Variants in DNAH8 observed in about 807,000 individuals in gnomAD.
The protein encoded by DNAH8 is dynein axonemal heavy chain 8.
DNAH8 carries 382 observed loss-of-function variants against 562.1 expected under a neutral mutation model. That is an observed-to-expected ratio of 0.68 (90% CI 0.63 to 0.74). The LOEUF (loss-of-function observed/expected upper bound fraction) is 0.74. DNAH8 is among the 30% of genes least tolerant of loss of function. The pLI is 0.00. For synonymous variants in DNAH8, 1,881 were observed against 1,919.4 expected (o/e 0.98, Z 0.52); for missense variants, 5,203 against 5,620.4 (o/e 0.93, Z 2.37).
intron 88 of DNAH8, among the ~76,000 whole-genome samples, chr6:38,996,419 G>GTGA (rs1288773099): frequency 3.9e-5 from 6 of 152,202 alleles, no homozygotes; most frequent in Non-Finnish European, 8.8e-5. Context: ...CAATTTCTAT[G>GTGA]TGACATCCAC....
chr6:38,734,009 C>T (rs1294077644), intron 4 of DNAH8, among the ~76,000 whole-genome samples: 4 of 151,146 alleles, frequency 2.6e-5, no homozygotes, highest in East Asian at 3.9e-4. Flanking sequence ...ATTGGCCAGG[C>T]ATGGTGGCTC....
intron 53 of DNAH8, among the ~76,000 whole-genome samples, chr6:38,877,810 T>C (rs1172402954): frequency 6.6e-6 from 1 of 152,220 alleles, no homozygotes; most frequent in African/African-American, 2.4e-5. Context: ...TAACCTCTTA[T>C]ATTAAAAATA....
At chr6:38,905,618 C>A (rs952307689) in intron 62 of DNAH8, among the ~76,000 whole-genome samples, 1 of 152,194 alleles carries the variant, frequency 6.6e-6, no homozygotes, top group African/African-American at 2.4e-5. Flanking sequence ...CGGACAAAAT[C>A]TGTTGCTGAG....
At chr6:38,841,869 C>T (rs1301555337) in intron 33 of DNAH8, among the ~76,000 whole-genome samples, 2 of 152,058 alleles carry the variant, frequency 1.3e-5, no homozygotes, top group Non-Finnish European at 2.9e-5. Flanking sequence ...AGTCACATGC[C>T]ACCACACCTG....
chr6:39,021,024 G>A (rs905355513), intron 91 of DNAH8, among the ~76,000 whole-genome samples: 5 of 152,072 alleles, frequency 3.3e-5, no homozygotes, highest in African/African-American at 9.7e-5. Flanking sequence ...ATTTTTTTGG[G>A]TATATACCTA....
At chr6:38,872,864 A>T in intron 50 of DNAH8, 42 bp from the exon 51 acceptor site, 1 of 1,606,614 alleles carries the variant, frequency 6.2e-7, no homozygotes. Flanking sequence ...CATTTTAATT[A>T]CTTGCAAGTG....
Position 38,803,191 on chromosome 6 carries a change from G to C in DNAH8, c.2914G>C (p.Glu972Gln), listed in dbSNP as rs780376103. The change falls in exon 22 of 93, where the codon GAA becomes CAA. Residue 972 changes from glutamate (E) to glutamine (Q), a missense_variant. Transcript: ENST00000327475. The part of the protein sequence containing the change: ...MLTLNETYTK[E>Q]WADILNHKSK... The stretch of plus-strand genomic sequence containing the variant: ...CTTTATTTAACAGACATACACAAAA[G>C]AATGGGCTGACATTCTAAACCACAA... The C allele has an allele frequency of 2.5e-6, 4 of 1,598,238 alleles. No individual in the cohort carries two copies. The highest frequency in any genetic ancestry group is 3.4e-6 in the Non-Finnish European group (4 of 1,172,890).
chr6:38,788,939 G>T (rs745592867), intron 18 of DNAH8, among the ~76,000 whole-genome samples: 1 of 151,390 alleles, frequency 6.6e-6, no homozygotes, highest in Non-Finnish European at 1.5e-5. Flanking sequence ...TCTTTTTTTT[G>T]AAAAAAACTG....
At chr6:38,877,567 C>T (rs1217481108) in intron 53 of DNAH8, among the ~76,000 whole-genome samples, 7 of 152,066 alleles carry the variant, frequency 4.6e-5, no homozygotes, top group Admixed American at 6.6e-5. Context: ...TTTATTTGCC[C>T]GAGCCTTTGT....
chr6:38,837,899 G>A, intron 32 of DNAH8, 43 bp from the exon 33 acceptor site: 1 of 1,315,302 alleles, frequency 7.6e-7, no homozygotes, highest in South Asian at 1.2e-5. Context: ...TAATTCTACT[G>A]AATTAATTGT....
chr6:38,899,650 C>T, intron 61 of DNAH8, 126 bp from the exon 62 acceptor site: 1 of 982,088 alleles, frequency 1.0e-6, no homozygotes, highest in Non-Finnish European at 1.5e-6. Flanking sequence ...CTGTCATAGA[C>T]CATTAACGAG....
intron 91 of DNAH8, among the ~76,000 whole-genome samples, chr6:39,018,906 C>T (rs141357438): frequency 1.1e-4 from 16 of 152,134 alleles, no homozygotes; most frequent in Admixed American, 2.6e-4. Context: ...TGGGGAGGTA[C>T]AGGAGTCTGA....
Position 39,012,198 on chromosome 6 carries a change from T to C in DNAH8, c.13372-17T>C. On this transcript the variant is annotated splice_polypyrimidine_tract_variant and intron_variant, in intron 89 of 92. Coordinates refer to ENST00000327475, the MANE Select transcript of DNAH8 (RefSeq NM_001206927.2). Reference sequence around the variant, plus strand: ...GATGAGAAAATCTCCTTTATTGCATTGTTTACTTTGTTTTAGGTGAAATCT... The same window carrying C: ...GATGAGAAAATCTCCTTTATTGCATCGTTTACTTTGTTTTAGGTGAAATCT... 2.5e-6 allele frequency: 4 copies of C among 1,573,550 alleles called. No individual in the cohort carries two copies. Among genetic ancestry groups the C allele is most frequent in the Non-Finnish European group, 1.7e-6 (2 of 1,153,514 alleles).
Position 38,835,687 on chromosome 6 carries a change from A to G in DNAH8, c.4365+1046A>G, listed in dbSNP as rs145019208. On this transcript the variant is annotated intron_variant, in intron 32 of 92. Coordinates refer to ENST00000327475, the MANE Select transcript of DNAH8 (RefSeq NM_001206927.2). ...CAATATGGGGAGATGTAAGGAGTGC[A>G]GGGTGGGGTCGTGTACCTTTGGGAT... Among the ~76,000 whole-genome samples the G allele has an allele frequency of 2.0e-5, 3 of 152,216 alleles. No individual in the cohort carries two copies. In the East Asian group the frequency reaches 5.8e-4, roughly 29 times the overall value.
intron 33 of DNAH8, among the ~76,000 whole-genome samples, chr6:38,841,832 A>G (rs1774826257): frequency 6.6e-6 from 1 of 151,918 alleles, no homozygotes; most frequent in African/African-American, 2.4e-5. Flanking sequence ...GTCCTTTCAC[A>G]TCAGCCTCCC....
intron 15 of DNAH8, 137 bp downstream of exon 15, chr6:38,780,202 T>A: frequency 1.2e-6 from 1 of 829,714 alleles, no homozygotes; most frequent in South Asian, 1.8e-5. Context: ...CGCTCCCTTC[T>A]GTGTGGGAAG....
chr6:38,819,369 T>C (rs1047697022), intron 26 of DNAH8, among the ~76,000 whole-genome samples: 10 of 152,214 alleles, frequency 6.6e-5, no homozygotes, highest in African/African-American at 2.4e-4. Flanking sequence ...GGTAACATTC[T>C]ATTCTTAACT....
intron 88 of DNAH8, among the ~76,000 whole-genome samples, chr6:39,002,142 G>A (rs1765532508): frequency 6.6e-6 from 1 of 152,124 alleles, no homozygotes; most frequent in Admixed American, 6.6e-5. Flanking sequence ...GGGGCTCCAG[G>A]GAAATGTGGA....
At chr6:38,789,765 T>A (rs1487478285) in intron 18 of DNAH8, 38 bp from the exon 19 acceptor site, 1 of 1,451,192 alleles carries the variant, frequency 6.9e-7, no homozygotes, top group African/African-American at 1.4e-5. Flanking sequence ...TACTTTAAAA[T>A]GAATTAAAAT....
Sources: allele counts gnomAD v4.1 joint callset (sites outside exome capture counted in the v4.1 genomes callset), GRCh38; gene constraint gnomAD v4.1.1; transcripts MANE v1.5; gene names NCBI Gene and HGNC (gene_info 2026-07-23, HGNC 2026-07-21).